Variants in FAM163B observed in about 807,000 individuals in gnomAD.
The protein encoded by FAM163B is protein FAM163B.
FAM163B carries 4 observed loss-of-function variants against 7.6 expected under a neutral mutation model. The observed-to-expected ratio is 0.52, with a 90% confidence interval of 0.26 to 1.20. The LOEUF (loss-of-function observed/expected upper bound fraction) is 1.20. Among genes scored for constraint, FAM163B ranks in the 50% most tolerant of loss-of-function variants. The probability of loss-of-function intolerance (pLI) is 0.14; values close to 1 mark genes in which losing one functional copy is unlikely to be tolerated. For synonymous variants in FAM163B, 120 were observed against 111.6 expected (o/e 1.07, Z -0.47); for missense variants, 250 against 243.0 (o/e 1.03, Z -0.19).
rs1274776258 is a variant in FAM163B, at chr9:133,584,244, G to T, written c.-23-3998C>A. Among the ~76,000 whole-genome samples, 16 of 152,226 alleles carry T rather than the reference G, an allele frequency of 1.1e-4. No homozygotes were observed. The East Asian group carries it at 3.1e-3, about 29-fold the overall frequency. On this transcript the variant is annotated intron_variant, in intron 1 of 2. Coordinates refer to ENST00000673969, the MANE Select transcript of FAM163B (RefSeq NM_001080515.3). ...TGCCCTCCCTGAGTGCTTACCTTCA[G>T]CCTCCTCCCTGGGGACCCCAGGACT...
At chr9:133,585,699 G>A (rs1369066436) in intron 1 of FAM163B, among the ~76,000 whole-genome samples, 4 of 152,216 alleles carry the variant, frequency 2.6e-5, no homozygotes, top group African/African-American at 4.8e-5. Context: ...ACGTCCCGAC[G>A]GCAGTGCAGC....
chr9:133,579,108 C>T lies in FAM163B; in HGVS notation c.415G>A (p.Gly139Arg), dbSNP rs758327003. The change falls in exon 3 of 3, where the codon GGG becomes AGG. Residue 139 changes from glycine (G) to arginine (R), a missense_variant. Transcript: ENST00000673969. ...EDVELPPGGF[G>R]GLQALNPNRL... ...TTGGGGTTGAGCGCCTGCAGGCCCC[C>T]GAAGCCCCCCGGGGGCAGCTCCACG... 2.1e-5 allele frequency: 34 copies of T among 1,604,824 alleles called. No homozygotes were observed. Among genetic ancestry groups the T allele is most frequent in the African/African-American group, 2.7e-5 (2 of 74,958 alleles).
At chr9:133,589,751 T>C (rs1332338372) in intron 1 of FAM163B, among the ~76,000 whole-genome samples, 1 of 152,152 alleles carries the variant, frequency 6.6e-6, no homozygotes, top group Non-Finnish European at 1.5e-5. Context: ...CTCACCTAGC[T>C]GATCCCCAGT....
chr9:133,579,421 G>T lies in FAM163B; in HGVS notation c.102C>A (p.Cys34Ter). The T allele has an allele frequency of 6.3e-7, 1 of 1,599,996 alleles. No homozygotes were observed. Residue 34 changes from cysteine (C) to a stop codon, truncating the protein, a stop_gained, in exon 3 of 3, where the codon TGC becomes TGA. Transcript: ENST00000673969. LOFTEE classifies it low-confidence loss of function (END_TRUNC). The stretch of plus-strand genomic sequence containing the variant: ...CCTCCTCCGACTCGTCCTTCTTGCA[G>T]CAGTAGTACTGCGGGCAGAGGGACG... The part of the protein sequence containing the change: ...VLCYCRLQYY[C>*]CKKDESEEDE...
At position 133,579,394 on chromosome 9, in the gene FAM163B, G is replaced by C. The variant is rs944544634; in HGVS notation, c.129C>G (p.Asp43Glu). 36 of 1,608,936 alleles carry C rather than the reference G, an allele frequency of 2.2e-5. No individual in the cohort carries two copies. The highest frequency in any genetic ancestry group is 6.7e-5 in the South Asian group (6 of 90,156). ...GAACGGCGAAGTCTGGTTCCTCCTC[G>C]TCCTCCTCCGACTCGTCCTTCTTGC... The part of the protein sequence containing the change: ...YCCKKDESEE[D>E]EEEPDFAVHS... The change falls in exon 3 of 3, where the codon GAC (aspartate) becomes GAG (glutamate). Residue 43 changes from aspartate (D) to glutamate (E), a missense_variant. Asp to Glu is a conservative substitution (Grantham distance 45). Transcript: ENST00000673969.
intron 1 of FAM163B, among the ~76,000 whole-genome samples, chr9:133,590,934 T>C (rs753659): frequency 0.11 from 16,652 of 152,276 alleles, 2,100 homozygotes; most frequent in African/African-American, 0.31. Flanking sequence ...AGGAAGCTTC[T>C]GGGGATCCTG....
chr9:133,604,110 G>A (rs1831762063), intron 1 of FAM163B, among the ~76,000 whole-genome samples: 1 of 152,230 alleles, frequency 6.6e-6, no homozygotes, highest in African/African-American at 2.4e-5. Flanking sequence ...CCAAAGTGCT[G>A]GGATTATAGG....
At chr9:133,588,189 C>T (rs1831470384) in intron 1 of FAM163B, among the ~76,000 whole-genome samples, 1 of 152,174 alleles carries the variant, frequency 6.6e-6, no homozygotes, top group Admixed American at 6.5e-5. Context: ...ACTGACCAGT[C>T]CCAGCCCCTT....
rs977231427 is a variant in FAM163B at position 133,606,748 on chromosome 9, G to A, written c.-24+2329C>T. On this transcript the variant is annotated intron_variant, in intron 1 of 2. Transcript: ENST00000673969. The surrounding 1 kb of genome is among the most constrained non-coding windows in gnomAD (Gnocchi z 4.0). ...TGGAGGACAGAACAAGGGCTCGGCT[G>A]CTGCTCTGCCTCCCCTCCTGCCCCG... Among the ~76,000 whole-genome samples the A allele has an allele frequency of 6.6e-6, 1 of 152,136 alleles. No homozygotes were observed. Among genetic ancestry groups the A allele is most frequent in the Admixed American group, 6.5e-5 (1 of 15,278 alleles).
Position 133,586,448 on chromosome 9 carries a change from G to A in FAM163B, c.-23-6202C>T, listed in dbSNP as rs894955370. On this transcript the variant is annotated intron_variant, in intron 1 of 2. Coordinates refer to ENST00000673969, the MANE Select transcript of FAM163B (RefSeq NM_001080515.3). ...TCGTTCGTGCCCAGGGTTTGCCCCC[G>A]TGGTTGCCTGGATTCCTTGAGGGGC... 2.2e-4 allele frequency among the ~76,000 whole-genome samples: 33 copies of A among 152,196 alleles called. 1 individual carries two copies. Among genetic ancestry groups the A allele is most frequent in the Non-Finnish European group, 1.2e-4 (8 of 68,012 alleles).
At chr9:133,580,041 C>G (rs1331945547) in intron 2 of FAM163B, 90 bp downstream of exon 2, 8 of 1,116,112 alleles carry the variant, frequency 7.2e-6, no homozygotes, top group Non-Finnish European at 1.1e-5. Context: ...GGGCCGTGAC[C>G]CTTGTGACCT....
Position 133,606,696 on chromosome 9 carries a change from G to A in FAM163B, c.-24+2381C>T, listed in dbSNP as rs1484082114. ...ATCAGGACTTGCTACTCTGAAGAGG[G>A]AAGTGGCGGTAGGGCCAGGAGCGGA... is the stretch of plus-strand genomic sequence containing the variant. On this transcript the variant is annotated intron_variant, in intron 1 of 2. Coordinates refer to ENST00000673969, the MANE Select transcript of FAM163B (RefSeq NM_001080515.3). This position sits in a 1 kb window ranked among gnomAD's most constrained non-coding sequence, Gnocchi z 4.0. Among the ~76,000 whole-genome samples, 1 of 152,226 alleles carries A rather than the reference G, an allele frequency of 6.6e-6. No homozygotes were observed. Among genetic ancestry groups the A allele is most frequent in the East Asian group, 1.9e-4 (1 of 5,194 alleles).
chr9:133,588,318 C>A (rs926793852), intron 1 of FAM163B, among the ~76,000 whole-genome samples: 16 of 152,284 alleles, frequency 1.1e-4, no homozygotes, highest in African/African-American at 3.8e-4. Context: ...GAGGCCTGGC[C>A]TGTGGGGCCC....
In FAM163B at chr9:133,606,061, C is replaced by A. The variant is rs1175202595; in HGVS notation, c.-24+3016G>T. 2.0e-5 allele frequency among the ~76,000 whole-genome samples: 3 copies of A among 152,202 alleles called. No homozygotes were observed. The highest frequency in any genetic ancestry group is 6.5e-5 in the Admixed American group (1 of 15,286). On this transcript the variant is annotated intron_variant, in intron 1 of 2. Transcript: ENST00000673969. The surrounding 1 kb of genome is among the most constrained non-coding windows in gnomAD (Gnocchi z 4.0). ...CCAACCACTGAGCAGGGCTTACAAG[C>A]CTGGCGGAACCGGACCCCACCTGAC...
intron 1 of FAM163B, among the ~76,000 whole-genome samples, chr9:133,604,085 G>A (rs902072989): frequency 4.6e-5 from 7 of 152,086 alleles, no homozygotes; most frequent in African/African-American, 9.7e-5. Flanking sequence ...CAAGTAATCC[G>A]CCTGCCTTAG....
intron 1 of FAM163B, among the ~76,000 whole-genome samples, chr9:133,582,380 C>G (rs1831369018): frequency 2.0e-5 from 3 of 152,228 alleles, no homozygotes. Flanking sequence ...AATGATCCCA[C>G]TAGGGAGCAA....
intron 1 of FAM163B, among the ~76,000 whole-genome samples, chr9:133,590,810 C>A (rs938861111): frequency 2.0e-5 from 3 of 152,168 alleles, no homozygotes; most frequent in African/African-American, 7.2e-5. Flanking sequence ...GTCTCCTCTG[C>A]CTGAGGGGCC....
At chr9:133,594,025 G>A (rs1051399927) in intron 1 of FAM163B, among the ~76,000 whole-genome samples, 1 of 152,242 alleles carries the variant, frequency 6.6e-6, no homozygotes, top group African/African-American at 2.4e-5. Flanking sequence ...TTCTGGGGCT[G>A]CGGGGACATT....
chr9:133,596,084 C>T (rs2131251519), intron 1 of FAM163B, among the ~76,000 whole-genome samples: 1 of 151,818 alleles, frequency 6.6e-6, no homozygotes, highest in Non-Finnish European at 1.5e-5. Flanking sequence ...GGGAGGAAGC[C>T]GTTCAGAGGC....
Sources: allele counts gnomAD v4.1 joint callset (sites outside exome capture counted in the v4.1 genomes callset), GRCh38; gene constraint gnomAD v4.1.1; non-coding constraint Gnocchi (gnomAD v3.1); transcripts MANE v1.5; gene names NCBI Gene and HGNC (gene_info 2026-07-23, HGNC 2026-07-21).